The following CPAMD8 variants were observed in gnomAD, a reference collection of about 807,000 sequenced individuals.
CPAMD8 encodes the protein C3 and PZP-like alpha-2-macroglobulin domain-containing protein 8.
CPAMD8 carries 146 observed loss-of-function variants against 224.7 expected under a neutral mutation model. The ratio of observed to expected loss-of-function variants is 0.65; its 90% confidence interval spans 0.57 to 0.75. The LOEUF is 0.75. Ranked by LOEUF, CPAMD8 falls within the 30% of genes least tolerant of loss-of-function variation. The pLI is 0.00. For synonymous variants in CPAMD8, 966 were observed against 1,044.6 expected (o/e 0.92, Z 1.45); for missense variants, 2,301 against 2,537.5 (o/e 0.91, Z 2.00).
intron 17 of CPAMD8, among the ~76,000 whole-genome samples, chr19:16,974,881 G>A (rs1268181046): frequency 6.6e-6 from 1 of 152,096 alleles, no homozygotes; most frequent in East Asian, 1.9e-4. Context: ...AGACTGAGGT[G>A]GGAGGATCAC....
intron 22 of CPAMD8, among the ~76,000 whole-genome samples, chr19:16,941,121 C>T (rs1041262686): frequency 4.6e-5 from 7 of 152,216 alleles, no homozygotes; most frequent in South Asian, 2.1e-4. Flanking sequence ...TTAGTAGAGA[C>T]GGGGTTTCAC....
Position 17,026,778 on chromosome 19 carries a change from C to G in CPAMD8, c.-136G>C. ...CGCAGCCCCCGCGCAGTGCGCCCGG[C>G]GCCATGCGCCCCGCTCCGCGCCCGG... On this transcript the variant is annotated 5_prime_UTR_variant, in exon 1 of 42. Coordinates refer to ENST00000443236, the MANE Select transcript of CPAMD8 (RefSeq NM_015692.5). The G allele has an allele frequency of 1.8e-6, 2 of 1,139,114 alleles. No homozygotes were observed. Among genetic ancestry groups the G allele is most frequent in the Middle Eastern group, 3.6e-4 (1 of 2,744 alleles). 70.6% of individuals were successfully genotyped at this position (1,139,114 alleles called of 1,614,324 possible).
Position 16,977,493 on chromosome 19 carries a change from G to C in CPAMD8, c.1633C>G (p.Leu545Val). Residue 545 changes from leucine to valine, a missense_variant, in exon 15 of 42, where the codon CTT (leucine) becomes GTT (valine). Leu to Val is a conservative substitution (Grantham distance 32). Around this residue, in one of 4 missense-constraint regions of CPAMD8, gnomAD observed 301 missense variants for 406.6 expected, o/e 0.74. Coordinates refer to ENST00000443236, the MANE Select transcript of CPAMD8 (RefSeq NM_015692.5). The part of the protein sequence containing the change: ...EAEVDVCVTS[L>V]HLAVTPSMVP... ...ATGCTGGGGGTCACGGCCAGATGAA[G>C]AGAGGTCACACACACGTCGACCTCA... is the stretch of plus-strand genomic sequence containing the variant. 1.2e-6 allele frequency: 2 copies of C among 1,611,438 alleles called. No homozygotes were observed. Among genetic ancestry groups the C allele is most frequent in the Non-Finnish European group, 1.7e-6 (2 of 1,179,068 alleles).
chr19:16,943,295 C>T (rs1381667185), intron 22 of CPAMD8, among the ~76,000 whole-genome samples: 2 of 152,158 alleles, frequency 1.3e-5, no homozygotes, highest in African/African-American at 2.4e-5. Flanking sequence ...GGACTATAGG[C>T]GTGAGCCACC....
At chr19:16,900,946 A>G (rs2144721373) in intron 36 of CPAMD8, among the ~76,000 whole-genome samples, 1 of 151,350 alleles carries the variant, frequency 6.6e-6, no homozygotes, top group Non-Finnish European at 1.5e-5. Context: ...TGGAAGTTCA[A>G]GGCTCCACTG....
intron 3 of CPAMD8, 55 bp downstream of exon 3, chr19:17,020,276 A>G (rs1234967713): frequency 6.4e-6 from 9 of 1,409,306 alleles, no homozygotes; most frequent in Non-Finnish European, 9.1e-6. Flanking sequence ...GCCTGGCCCA[A>G]TTCAATTCTT....
At chr19:17,011,079 G>T (rs374946362) in intron 5 of CPAMD8, among the ~76,000 whole-genome samples, 1 of 151,626 alleles carries the variant, frequency 6.6e-6, no homozygotes, top group Non-Finnish European at 1.5e-5. Flanking sequence ...CTATAATCCC[G>T]GCTACTCGGG....
chr19:16,981,532 A>G (rs760996208), intron 13 of CPAMD8, among the ~76,000 whole-genome samples: 24 of 152,076 alleles, frequency 1.6e-4, no homozygotes, highest in Non-Finnish European at 2.9e-4. Context: ...CCCAATGTCA[A>G]TGAGTGTAGG....
At chr19:16,971,173 C>CT in intron 17 of CPAMD8, 140 bp from the exon 18 acceptor site, 3 of 707,338 alleles carry the variant, frequency 4.2e-6, no homozygotes, top group Non-Finnish European at 6.8e-6. Context: ...TCTTTTTTTG[C>CT]TTTTTTGGGT....
In CPAMD8 at chr19:17,005,262, C is replaced by T. The variant is rs553108423; in HGVS notation, c.560-876G>A. 4.6e-5 allele frequency among the ~76,000 whole-genome samples: 7 copies of T among 152,250 alleles called. No individual in the cohort carries two copies. In the East Asian group the frequency reaches 1.4e-3, roughly 29 times the overall value. Reference sequence around the variant, plus strand: ...CAGAGCACTGAGGGGTGCTGAGCATCTTCCCTGGCCTCCACTCACCAGATG... The same window carrying T: ...CAGAGCACTGAGGGGTGCTGAGCATTTTCCCTGGCCTCCACTCACCAGATG... On this transcript the variant is annotated intron_variant, in intron 7 of 41. Transcript: ENST00000443236.
In CPAMD8 at chr19:16,984,779, C is replaced by T. The variant is rs148738857; in HGVS notation, c.1396-4093G>A. Among the ~76,000 whole-genome samples the T allele has an allele frequency of 6.4e-3, 969 of 152,190 alleles. 5 individuals are homozygous for T. Among genetic ancestry groups the T allele is most frequent in the African/African-American group, 0.022 (921 of 41,516 alleles). ...ATCTCAACACCTTGGGAGGCTGAGG[C>T]AGAGAGGATCACTTGAGGCCAGGAG... On this transcript the variant is annotated intron_variant, in intron 13 of 41. Coordinates refer to ENST00000443236, the MANE Select transcript of CPAMD8 (RefSeq NM_015692.5).
intron 30 of CPAMD8, among the ~76,000 whole-genome samples, chr19:16,905,540 C>T (rs1184136985): frequency 7.5e-5 from 6 of 80,394 alleles, no homozygotes; most frequent in Admixed American, 3.5e-4. Flanking sequence ...AACTCCGTTT[C>T]AAAAAAAAAA....
chr19:16,999,167 A>G (rs1281804040), intron 10 of CPAMD8, among the ~76,000 whole-genome samples: 1 of 152,180 alleles, frequency 6.6e-6, no homozygotes, highest in East Asian at 1.9e-4. Flanking sequence ...GTTGCCAGAG[A>G]CAGGAGGAGG....
chr19:16,960,641 C>T (rs2054621784), intron 18 of CPAMD8, among the ~76,000 whole-genome samples: 1 of 151,876 alleles, frequency 6.6e-6, no homozygotes, highest in Non-Finnish European at 1.5e-5. Context: ...GTGGCTCACA[C>T]CTGTAATCCC....
At chr19:17,021,030 A>G (rs1163838949) in intron 2 of CPAMD8, among the ~76,000 whole-genome samples, 2 of 152,182 alleles carry the variant, frequency 1.3e-5, no homozygotes, top group African/African-American at 4.8e-5. Context: ...CACATGACCC[A>G]AAATGAACCA....
chr19:16,928,050 C>A lies in CPAMD8; in HGVS notation c.3329G>T (p.Gly1110Val). Residue 1110 changes from glycine to valine, a missense_variant, in exon 25 of 42, where the codon GGC (glycine) becomes GTC (valine). Transcript: ENST00000443236. ...SEAFTLGVPHGAIPGSERATA... is the reference protein window; with the variant it reads ...SEAFTLGVPHVAIPGSERATA... Reference sequence around the variant, plus strand: ...GGCTCGCTCAGACCCAGGGATGGCGCCGTGTGGGACCCCCAGGGTGAAGGC... The same window carrying A: ...GGCTCGCTCAGACCCAGGGATGGCGACGTGTGGGACCCCCAGGGTGAAGGC... 1 of 1,613,860 alleles carries A rather than the reference C, an allele frequency of 6.2e-7. No individual in the cohort carries two copies.
Position 16,893,146 on chromosome 19 carries a change from C to T in CPAMD8, c.5620G>A (p.Glu1874Lys). ...CAGGTGTTTGACATCCATAAACCCT[C>T]CTCCCCACCACTCTGAAAGGCTGGG... ...YSPAFQSGGE[E>K]GLWMSNTCTL... Residue 1874 changes from glutamate (E) to lysine (K), a missense_variant, in exon 42 of 42, where the codon GAG becomes AAG. Glu to Lys is a moderately conservative substitution (Grantham distance 56, BLOSUM62 1). This residue lies in a region of CPAMD8 where 1,709 missense variants were observed against 1,753.2 expected (regional missense o/e 0.97). Coordinates refer to ENST00000443236, the MANE Select transcript of CPAMD8 (RefSeq NM_015692.5). The T allele has an allele frequency of 3.2e-6, 5 of 1,566,454 alleles. No individual in the cohort carries two copies. In the South Asian group the frequency reaches 5.6e-5, roughly 18 times the overall value.
At chr19:17,007,432 A>G (rs1471460623) in intron 7 of CPAMD8, among the ~76,000 whole-genome samples, 1 of 151,602 alleles carries the variant, frequency 6.6e-6, no homozygotes, top group Non-Finnish European at 1.5e-5. Flanking sequence ...GAGGGGGAGG[A>G]GGAGGAGGAA....
intron 22 of CPAMD8, among the ~76,000 whole-genome samples, chr19:16,940,355 G>C (rs998656805): frequency 2.0e-5 from 3 of 152,132 alleles, no homozygotes; most frequent in Non-Finnish European, 4.4e-5. Flanking sequence ...ATGTATGTAG[G>C]GGGTGCGGAT....
Sources: gnomAD v4.1 joint callset for allele counts (sites outside exome capture counted in the v4.1 genomes callset) on GRCh38, gnomAD v4.1.1 for gene constraint, gnomAD v4.1.1 regional missense constraint, MANE v1.5 for transcripts, NCBI Gene and HGNC (gene_info 2026-07-23, HGNC 2026-07-21) for gene names.